The following POU2F1 variants were observed in gnomAD, a reference collection of about 807,000 sequenced individuals.
POU2F1 encodes the protein POU class 2 homeobox 1.
POU2F1 carries 16 observed loss-of-function variants against 84.9 expected under a neutral mutation model. The observed-to-expected ratio is 0.19, with a 90% confidence interval of 0.13 to 0.29. POU2F1 has a LOEUF of 0.29. Among genes scored for constraint, POU2F1 ranks in the 10% least tolerant of loss-of-function variants. POU2F1 has a pLI of 1.00. For missense variants in POU2F1, 738 were observed against 942.6 expected (o/e 0.78, Z 2.84); for synonymous variants, 368 against 368.3 (o/e 1.00, Z 0.01).
At chr1:167,414,381 A>G in intron 15 of POU2F1, 1 of 985,366 alleles carries the variant, frequency 1.0e-6, no homozygotes, top group Non-Finnish European at 1.2e-6. Context: ...TCTCAGAAAA[A>G]CTTCAAGCTG....
intron 1 of POU2F1, among the ~76,000 whole-genome samples, chr1:167,229,580 A>G (rs185565650): frequency 6.6e-6 from 1 of 152,304 alleles, no homozygotes; most frequent in African/African-American, 2.4e-5. Context: ...TTCCTTCAAC[A>G]ATACGATGGT....
intron 2 of POU2F1, among the ~76,000 whole-genome samples, chr1:167,335,495 TG>T (rs1657387233): frequency 6.6e-6 from 1 of 152,114 alleles, no homozygotes; most frequent in South Asian, 2.1e-4. Flanking sequence ...GGGTTGACTC[TG>T]AACATGAAAA....
chr1:167,365,877 A>G (rs1332130660), intron 3 of POU2F1, among the ~76,000 whole-genome samples: 3 of 152,188 alleles, frequency 2.0e-5, no homozygotes, highest in Admixed American at 6.5e-5. Flanking sequence ...AATTATCAAA[A>G]TCATCCAGAA....
intron 1 of POU2F1, among the ~76,000 whole-genome samples, chr1:167,281,919 A>G (rs1653169806): frequency 6.6e-6 from 1 of 151,764 alleles, no homozygotes. Flanking sequence ...CTCTACTCAT[A>G]TTTTCCTGCT....
chr1:167,242,920 C>T (rs1051349659), intron 1 of POU2F1, among the ~76,000 whole-genome samples: 1 of 152,016 alleles, frequency 6.6e-6, no homozygotes, highest in Admixed American at 6.6e-5. Flanking sequence ...TATTCTCATT[C>T]TCCCTCTCTC....
chr1:167,333,128 T>A (rs1292337385), intron 2 of POU2F1, among the ~76,000 whole-genome samples: 1 of 152,128 alleles, frequency 6.6e-6, no homozygotes, highest in African/African-American at 2.4e-5. Flanking sequence ...TTTGGTAATT[T>A]AAAAAAATTA....
intron 1 of POU2F1, among the ~76,000 whole-genome samples, chr1:167,250,596 A>C (rs145087844): frequency 6.6e-6 from 1 of 152,362 alleles, no homozygotes; most frequent in East Asian, 1.9e-4. Flanking sequence ...TACAAATAAC[A>C]AAGGTAGCAA....
At chr1:167,356,334 G>T (rs1658935863) in intron 2 of POU2F1, among the ~76,000 whole-genome samples, 1 of 151,674 alleles carries the variant, frequency 6.6e-6, no homozygotes, top group Non-Finnish European at 1.5e-5. Flanking sequence ...TTTGTGTGCT[G>T]CATCCTCATT....
chr1:167,376,278 T>G, intron 7 of POU2F1, 123 bp downstream of exon 7: 1 of 1,179,276 alleles, frequency 8.5e-7, no homozygotes, highest in South Asian at 2.4e-5. Flanking sequence ...TAAATTTTAT[T>G]TGATTATAAA....
intron 1 of POU2F1, among the ~76,000 whole-genome samples, chr1:167,269,913 CA>C (rs34112150): frequency 8.0e-4 from 104 of 129,910 alleles, no homozygotes; most frequent in Admixed American, 1.4e-3. Context: ...GTCTCTGTCT[CA>C]AAAAAAAAAA....
intron 1 of POU2F1, among the ~76,000 whole-genome samples, chr1:167,284,114 T>C (rs1653355807): frequency 6.6e-6 from 1 of 152,224 alleles, no homozygotes; most frequent in South Asian, 2.1e-4. Flanking sequence ...GAACAATTTT[T>C]CTTCCTTCAT....
chr1:167,368,714 G>T (rs1274482027), intron 3 of POU2F1, among the ~76,000 whole-genome samples: 1 of 151,996 alleles, frequency 6.6e-6, no homozygotes, highest in East Asian at 1.9e-4. Flanking sequence ...TTCAGATTTT[G>T]GTTTTTTGTT....
intron 1 of POU2F1, among the ~76,000 whole-genome samples, chr1:167,296,282 A>T (rs767635873): frequency 5.9e-5 from 9 of 152,116 alleles, no homozygotes; most frequent in Non-Finnish European, 1.2e-4. Context: ...ATATTTGTCT[A>T]TTTCATCTTC....
intron 2 of POU2F1, among the ~76,000 whole-genome samples, chr1:167,358,906 C>T (rs1198607014): frequency 6.6e-6 from 1 of 151,366 alleles, no homozygotes; most frequent in Admixed American, 6.6e-5. Context: ...TTGTTTGCTC[C>T]TTCTCTCTTA....
chr1:167,241,941 A>G (rs1010772562), intron 1 of POU2F1, among the ~76,000 whole-genome samples: 1 of 152,226 alleles, frequency 6.6e-6, no homozygotes, highest in South Asian at 2.1e-4. Context: ...TTAATCACAA[A>G]CGCAGCTATG....
At chr1:167,220,998 A>C in intron 1 of POU2F1, 40 bp downstream of exon 1, 7 of 1,497,318 alleles carry the variant, frequency 4.7e-6, no homozygotes, top group South Asian at 2.4e-5. Flanking sequence ...ATTCATACTC[A>C]ACCCCGGCTC....
chr1:167,296,459 A>G (rs1654294921), intron 1 of POU2F1, among the ~76,000 whole-genome samples: 1 of 152,164 alleles, frequency 6.6e-6, no homozygotes, highest in Non-Finnish European at 1.5e-5. Flanking sequence ...CTGAAGCAGA[A>G]AAACTTCTTT....
intron 2 of POU2F1, among the ~76,000 whole-genome samples, chr1:167,350,512 C>G (rs541484094): frequency 1.4e-3 from 213 of 152,070 alleles, no homozygotes; most frequent in African/African-American, 4.5e-3. Flanking sequence ...TTGCAAAAGA[C>G]AGATTTTTTT....
intron 10 of POU2F1, 108 bp from the exon 11 acceptor site, chr1:167,397,886 A>T (rs1387572277): frequency 8.4e-7 from 1 of 1,190,048 alleles, no homozygotes; most frequent in South Asian, 1.5e-5. Flanking sequence ...AAACCTTTTC[A>T]TACTTGGATG....
Sources: allele counts gnomAD v4.1 joint callset (sites outside exome capture counted in the v4.1 genomes callset), GRCh38; gene constraint gnomAD v4.1.1; transcripts MANE v1.5; gene names NCBI Gene and HGNC (gene_info 2026-07-23, HGNC 2026-07-21).